The following MAGI2 variants were observed in gnomAD, a reference collection of about 807,000 sequenced individuals.
MAGI2 encodes membrane associated guanylate kinase, WW and PDZ domain containing 2, also known as membrane-associated guanylate kinase, WW and PDZ domain-containing protein 2.
In MAGI2, 35 loss-of-function variants were observed where a neutral mutation model predicts 133.3. That is an observed-to-expected ratio of 0.26 (90% CI 0.20 to 0.35). The LOEUF (loss-of-function observed/expected upper bound fraction) is 0.35. Ranked by LOEUF, MAGI2 falls within the 10% of genes least tolerant of loss-of-function variation. The pLI is 1.00. For synonymous variants in MAGI2, 729 were observed against 710.6 expected (o/e 1.03, Z -0.41); for missense variants, 1,636 against 1,863.4 (o/e 0.88, Z 2.25).
chr7:79,103,931 G>C (rs1191693577), intron 1 of MAGI2, among the ~76,000 whole-genome samples: 1 of 152,028 alleles, frequency 6.6e-6, no homozygotes, highest in Non-Finnish European at 1.5e-5. Context: ...TCGATCTCCT[G>C]ACCTCATGAT....
intron 1 of MAGI2, among the ~76,000 whole-genome samples, chr7:79,137,803 C>T (rs1489678098): frequency 1.3e-5 from 2 of 151,912 alleles, no homozygotes; most frequent in Non-Finnish European, 2.9e-5. Context: ...CAGAATAGTA[C>T]CCCCCACCCC....
chr7:78,198,498 C>T (rs949263854), intron 11 of MAGI2, among the ~76,000 whole-genome samples: 3 of 132,088 alleles, frequency 2.3e-5, no homozygotes, highest in Non-Finnish European at 3.1e-5. Context: ...AGGGCATGAT[C>T]TTGGCTTACT....
intron 10 of MAGI2, among the ~76,000 whole-genome samples, chr7:78,226,630 C>T (rs1026226945): frequency 2.6e-5 from 4 of 152,202 alleles, no homozygotes; most frequent in African/African-American, 4.8e-5. Context: ...CTTAAACTAC[C>T]GTGTAATATC....
chr7:78,902,076 A>C (rs1584336629), intron 2 of MAGI2, among the ~76,000 whole-genome samples: 1 of 152,344 alleles, frequency 6.6e-6, no homozygotes, highest in African/African-American at 2.4e-5. Flanking sequence ...TTATTAAAAT[A>C]ATATTTACTT....
intron 1 of MAGI2, among the ~76,000 whole-genome samples, chr7:79,133,587 A>G (rs982418880): frequency 2.0e-4 from 30 of 152,154 alleles, no homozygotes; most frequent in Admixed American, 5.9e-4. Context: ...TTCTATATCA[A>G]TATGTTCTGC....
intron 6 of MAGI2, among the ~76,000 whole-genome samples, chr7:78,438,582 G>A (rs1016299347): frequency 1.4e-4 from 21 of 152,120 alleles, no homozygotes; most frequent in African/African-American, 5.1e-4. Flanking sequence ...GCTAGAAGCG[G>A]GGCCAAAGTC....
intron 2 of MAGI2, among the ~76,000 whole-genome samples, chr7:78,903,447 G>A (rs113466060): frequency 6.1e-4 from 92 of 151,712 alleles, no homozygotes; most frequent in African/African-American, 2.1e-3. Flanking sequence ...CGCCCGCCTC[G>A]GCCTCCCAAA....
intron 1 of MAGI2, among the ~76,000 whole-genome samples, chr7:79,362,717 T>C (rs1842443207): frequency 6.6e-6 from 1 of 151,970 alleles, no homozygotes; most frequent in Non-Finnish European, 1.5e-5. Context: ...AGATAAAGCC[T>C]TGGATGAAAT....
At chr7:78,051,884 C>CATTTTTT (rs1812044615) in intron 21 of MAGI2, among the ~76,000 whole-genome samples, 1 of 125,808 alleles carries the variant, frequency 7.9e-6, no homozygotes, top group African/African-American at 3.2e-5. Context: ...CATACCCAGC[C>CATTTTTT]TTTTTTTTTT....
intron 16 of MAGI2, among the ~76,000 whole-genome samples, chr7:78,156,841 C>A (rs2150597266): frequency 6.6e-6 from 1 of 150,658 alleles, no homozygotes. Flanking sequence ...AAAAAAACCC[C>A]AAAAAACAAA....
intron 2 of MAGI2, among the ~76,000 whole-genome samples, chr7:78,928,496 C>A (rs1316647008): frequency 1.3e-5 from 2 of 151,940 alleles, no homozygotes; most frequent in Non-Finnish European, 2.9e-5. Context: ...AATATTTATA[C>A]ACCCTTTTTA....
intron 3 of MAGI2, among the ~76,000 whole-genome samples, chr7:78,625,605 T>C (rs1248813932): frequency 6.6e-6 from 1 of 152,180 alleles, no homozygotes; most frequent in Non-Finnish European, 1.5e-5. Flanking sequence ...TATATAGTAA[T>C]TTCCTAGGCC....
At chr7:78,759,854 G>C (rs114202972) in intron 2 of MAGI2, among the ~76,000 whole-genome samples, 1 of 152,208 alleles carries the variant, frequency 6.6e-6, no homozygotes, top group Non-Finnish European at 1.5e-5. Flanking sequence ...GGAGGCTGGG[G>C]ATGGTGGCTC....
At chr7:78,645,453 C>T (rs1249420728) in intron 2 of MAGI2, among the ~76,000 whole-genome samples, 2 of 152,024 alleles carry the variant, frequency 1.3e-5, no homozygotes, top group Non-Finnish European at 2.9e-5. Context: ...AAGGACAATA[C>T]ATCATGAGCA....
At chr7:78,681,419 TTC>T (rs1227798537) in intron 2 of MAGI2, among the ~76,000 whole-genome samples, 9 of 152,202 alleles carry the variant, frequency 5.9e-5, no homozygotes, top group African/African-American at 2.4e-5. Context: ...ACCCAGCAGA[TTC>T]TGTTTGCCAT....
intron 9 of MAGI2, among the ~76,000 whole-genome samples, chr7:78,338,951 C>G (rs1409167689): frequency 6.6e-6 from 1 of 151,722 alleles, no homozygotes; most frequent in Non-Finnish European, 1.5e-5. Flanking sequence ...GTGCCACCAG[C>G]CTGGGCAACA....
At chr7:79,402,736 C>T (rs142165338) in intron 1 of MAGI2, among the ~76,000 whole-genome samples, 229 of 152,200 alleles carry the variant, frequency 1.5e-3, no homozygotes, top group African/African-American at 5.2e-3. Context: ...CTGAGGCAGG[C>T]GCATTGCTTG....
chr7:79,368,223 C>T (rs1301573871), intron 1 of MAGI2, among the ~76,000 whole-genome samples: 1 of 152,028 alleles, frequency 6.6e-6, no homozygotes, highest in Non-Finnish European at 1.5e-5. Flanking sequence ...TGAGGAATAA[C>T]AGAGACAGCA....
At chr7:79,283,433 C>T (rs1835791465) in intron 1 of MAGI2, among the ~76,000 whole-genome samples, 2 of 152,106 alleles carry the variant, frequency 1.3e-5, no homozygotes, top group Non-Finnish European at 2.9e-5. Context: ...ACAACCATTA[C>T]TCACTTCCAC....
Sources: allele counts gnomAD v4.1 joint callset (sites outside exome capture counted in the v4.1 genomes callset), GRCh38; gene constraint gnomAD v4.1.1; transcripts MANE v1.5; gene names NCBI Gene and HGNC (gene_info 2026-07-23, HGNC 2026-07-21).